The following FN1 variants were observed in gnomAD, a reference collection of about 807,000 sequenced individuals.
The protein encoded by FN1 is fibronectin.
Under a neutral mutation model 297.3 loss-of-function variants are expected in FN1, and 106 were observed. That is an observed-to-expected ratio of 0.36 (90% confidence interval 0.30 to 0.42). The LOEUF (loss-of-function observed/expected upper bound fraction) is 0.42, where lower values mean the gene tolerates loss of function less well. Among genes scored for constraint, FN1 ranks in the 10% least tolerant of loss-of-function variants. The pLI is 1.00. For missense variants in FN1, 2,690 were observed against 3,124.9 expected (o/e 0.86, Z 3.32); for synonymous variants, 1,149 against 1,152.6 (o/e 1.00, Z 0.06).
chr2:215,379,552 T>TA (rs1291418841), intron 33 of FN1: 2 of 466,272 alleles, frequency 4.3e-6, no homozygotes, highest in African/African-American at 3.9e-5. Context: ...AACATTTGGG[T>TA]AAATGCCAAA....
Position 215,372,295 on chromosome 2 carries a change from T to C in FN1, c.6328A>G (p.Lys2110Glu). ...CCAGGGTGGGTGACGAAAGGGGTCT[T>C]TTGAACTGTGGAAGGAACATCCAAG... Reference protein sequence around the residue: ...EILDVPSTVQKTPFVTHPGYD... With the variant: ...EILDVPSTVQETPFVTHPGYD... Residue 2110 changes from lysine to glutamate, a missense_variant, in exon 40 of 46, where the codon AAG (lysine) becomes GAG (glutamate). This residue lies in a region of FN1 where 1,743 missense variants were observed against 1,945.2 expected (regional missense o/e 0.90). Transcript: ENST00000354785. 1 of 1,614,154 alleles carries C rather than the reference T, an allele frequency of 6.2e-7. No homozygotes were observed. Among genetic ancestry groups the C allele is most frequent in the Non-Finnish European group, 8.5e-7 (1 of 1,180,038 alleles).
intron 18 of FN1, among the ~76,000 whole-genome samples, 193 bp downstream of exon 18, chr2:215,406,934 G>A (rs1324091545): frequency 6.6e-6 from 1 of 152,160 alleles, no homozygotes; most frequent in African/African-American, 2.4e-5. Context: ...TATGGTGTCA[G>A]TTTTTAATCA....
chr2:215,430,257 A>T (rs927393449), intron 5 of FN1, among the ~76,000 whole-genome samples: 1 of 152,188 alleles, frequency 6.6e-6, no homozygotes, highest in Non-Finnish European at 1.5e-5. Context: ...AACAATTAAG[A>T]CCCCAAGACA....
At chr2:215,403,739 G>C (rs755719913) in intron 20 of FN1, among the ~76,000 whole-genome samples, 5 of 152,160 alleles carry the variant, frequency 3.3e-5, no homozygotes, top group Non-Finnish European at 7.4e-5. Context: ...ATTATTGTTA[G>C]TATTTTTCTC....
intron 6 of FN1, among the ~76,000 whole-genome samples, chr2:215,426,082 C>A (rs1284688924): frequency 6.6e-6 from 1 of 151,712 alleles, no homozygotes; most frequent in Non-Finnish European, 1.5e-5. Flanking sequence ...ACCAATTGAT[C>A]CTCTTAAGAC....
intron 29 of FN1, 74 bp from the exon 30 acceptor site, chr2:215,384,258 C>G: frequency 3.6e-6 from 5 of 1,381,686 alleles, no homozygotes; most frequent in Non-Finnish European, 4.1e-6. Context: ...ATTGAATTAC[C>G]ACATTTATAG....
At position 215,409,701 on chromosome 2, in the gene FN1, G is replaced by C; in HGVS notation, c.2161C>G (p.Leu721Val). 2 of 1,614,108 alleles carry C rather than the reference G, an allele frequency of 1.2e-6. No homozygotes were observed. Among genetic ancestry groups the C allele is most frequent in the Non-Finnish European group, 1.7e-6 (2 of 1,180,010 alleles). The change falls in exon 15 of 46, where the codon CTT becomes GTT. Residue 721 changes from leucine (L) to valine (V), a missense_variant. By Grantham distance (32) the Leu-to-Val change is conservative (BLOSUM62 1). Transcript: ENST00000354785. The part of the protein sequence containing the change: ...VTGETTPFSP[L>V]VATSESVTEI... The stretch of plus-strand genomic sequence containing the variant: ...GTCACAGATTCAGAAGTGGCCACAA[G>C]AGGAGAAAAGGGAGTCGTCTCTCCT...
At chr2:215,431,809 T>G (rs2066567850) in intron 4 of FN1, 24 bp downstream of exon 4, 3 of 1,613,714 alleles carry the variant, frequency 1.9e-6, no homozygotes, top group Admixed American at 3.3e-5. Context: ...TCCCAGCTCT[T>G]GCTCAGCCCT....
rs893517398 is a variant in FN1, at chr2:215,383,470, T to C, written c.4908A>G (p.Pro1636=). ...SINYRTEIDK[P]SQMQVTDVQD... ...GAACATCGGTCACTTGCATCTGGGA[T>C]GGTTTGTCAATTTCTACAAATAAAA... is the stretch of plus-strand genomic sequence containing the variant. The change falls in exon 31 of 46, where the codon CCA becomes CCG. Residue 1636 remains proline (P), a synonymous_variant. Transcript: ENST00000354785. The C allele has an allele frequency of 6.2e-7, 1 of 1,614,032 alleles. No homozygotes were observed. The highest frequency in any genetic ancestry group is 8.5e-7 in the Non-Finnish European group (1 of 1,180,010).
intron 19 of FN1, among the ~76,000 whole-genome samples, chr2:215,405,296 A>C (rs527622438): frequency 2.6e-4 from 40 of 152,340 alleles, no homozygotes; most frequent in African/African-American, 9.6e-4. Flanking sequence ...CAAATAGAGG[A>C]AATCTTTAAG....
At chr2:215,413,579 C>CT (rs769184911) in intron 13 of FN1, among the ~76,000 whole-genome samples, 18 of 152,210 alleles carry the variant, frequency 1.2e-4, no homozygotes, top group Non-Finnish European at 2.6e-4. Context: ...CCATCCTCAT[C>CT]TTTCTGTTCC....
chr2:215,427,232 A>T (rs2065621974), intron 6 of FN1, among the ~76,000 whole-genome samples: 1 of 152,200 alleles, frequency 6.6e-6, no homozygotes, highest in African/African-American at 2.4e-5. Context: ...AAAATAACTC[A>T]AAGATATTAT....
rs1452217790 is a variant in FN1, at chr2:215,406,566, GA to G, written c.2714-57del. 26 of 1,580,014 alleles carry G rather than the reference GA, an allele frequency of 1.6e-5. No homozygotes were observed. In the East Asian group the frequency reaches 1.8e-4, roughly 11 times the overall value. ...ATTCTCTGCTGAAGATTACTTTTAAGAAGCCAGTTTCTTGGATATGTTAGGC... is the reference window on the plus strand; with the variant it reads ...ATTCTCTGCTGAAGATTACTTTTAAGAGCCAGTTTCTTGGATATGTTAGGC... On this transcript the variant is annotated intron_variant, in intron 18 of 45. Transcript: ENST00000354785.
chr2:215,370,166 A>G (rs748220309), intron 41 of FN1, 128 bp downstream of exon 41: 20 of 908,344 alleles, frequency 2.2e-5, no homozygotes, highest in Non-Finnish European at 3.4e-5. Flanking sequence ...CATTTATTTC[A>G]TGTTGATGTG....
At chr2:215,391,945 CT>C in intron 25 of FN1, 131 bp from the exon 26 acceptor site, 1 of 783,768 alleles carries the variant, frequency 1.3e-6, no homozygotes. Context: ...ACAGTCTAAT[CT>C]AAGTCTATTT....
At chr2:215,428,734 A>G (rs1231432641) in intron 5 of FN1, among the ~76,000 whole-genome samples, 2 of 152,136 alleles carry the variant, frequency 1.3e-5, no homozygotes, top group African/African-American at 2.4e-5. Flanking sequence ...AAAACTAAAA[A>G]CAGGCTAAGC....
intron 2 of FN1, among the ~76,000 whole-genome samples, chr2:215,434,077 G>T (rs913636021): frequency 6.6e-6 from 1 of 152,180 alleles, no homozygotes; most frequent in Non-Finnish European, 1.5e-5. Context: ...ACTCCAGCCT[G>T]GTGACAGAGC....
Position 215,384,216 on chromosome 2 carries a change from G to C in FN1, c.4730-32C>G, listed in dbSNP as rs768394380. On this transcript the variant is annotated intron_variant, in intron 29 of 45. Coordinates refer to ENST00000354785, the MANE Select transcript of FN1 (RefSeq NM_212482.4). ...GAAAAAGGGTTAGTTCAGAGTGTGA[G>C]GGGTTTAGAGCTACTTGGGTATTAC... The C allele has an allele frequency of 3.7e-6, 6 of 1,608,836 alleles. No homozygotes were observed. The South Asian group carries it at 6.6e-5, about 18-fold the overall frequency.
At chr2:215,389,055 T>TA (rs993123468) in intron 26 of FN1, among the ~76,000 whole-genome samples, 7 of 152,126 alleles carry the variant, frequency 4.6e-5, no homozygotes, top group Non-Finnish European at 8.8e-5. Flanking sequence ...GAATATTTTT[T>TA]AAAAAATTAA....
Sources: gnomAD v4.1 joint callset for allele counts (sites outside exome capture counted in the v4.1 genomes callset) on GRCh38, gnomAD v4.1.1 for gene constraint, gnomAD v4.1.1 regional missense constraint, MANE v1.5 for transcripts, NCBI Gene and HGNC (gene_info 2026-07-23, HGNC 2026-07-21) for gene names.